TCF12: variants seen among roughly 807,000 people sequenced by gnomAD.
TCF12 encodes transcription factor 12.
Under a neutral mutation model 86.0 loss-of-function variants are expected in TCF12, and 45 were observed. That is an observed-to-expected ratio of 0.52 (90% confidence interval 0.41 to 0.67). TCF12 has a LOEUF of 0.67. TCF12 is among the 30% of genes least tolerant of loss of function. The pLI is 0.00. For synonymous variants in TCF12, 330 were observed against 299.6 expected, an observed-to-expected ratio of 1.10 and a Z score of -1.05; for missense variants, 881 against 859.9, an observed-to-expected ratio of 1.02 and a Z score of -0.31.
Position 57,282,460 on chromosome 15 carries a change from C to A in TCF12, c.1994C>A (p.Pro665His). 1 of 1,614,148 alleles carries A rather than the reference C, an allele frequency of 6.2e-7. No homozygotes were observed. The highest frequency in any genetic ancestry group is 8.5e-7 in the Non-Finnish European group (1 of 1,180,032). ...CCTGTTTTAGAGAGGAACCTTAACC[C>A]CAAAGCAGCCTGCCTTAAGAGAAGG... ...EQQVRERNLN[P>H]KAACLKRREE... is the part of the protein sequence containing the mutation. Residue 665 changes from proline (P) to histidine (H), a missense_variant, in exon 20 of 21, where the codon CCC becomes CAC. By Grantham distance (77) the Pro-to-His change is moderately conservative (BLOSUM62 -2). This residue lies in a region of TCF12 where 69 missense variants were observed against 64.2 expected (regional missense o/e 1.07). Coordinates refer to ENST00000333725, the MANE Select transcript of TCF12 (RefSeq NM_207037.2).
intron 5 of TCF12, chr15:57,109,395 G>A (rs1378633395): frequency 2.6e-5 from 4 of 152,310 alleles, no homozygotes; most frequent in Non-Finnish European, 2.9e-5. Flanking sequence ...TTCCCATAAG[G>A]CAGTTAGAAG....
At chr15:57,275,293 T>G (rs1056932395) in intron 19 of TCF12, among the ~76,000 whole-genome samples, 25 of 63,046 alleles carry the variant, frequency 4.0e-4, no homozygotes, top group Admixed American at 2.1e-3. Flanking sequence ...TCTTAGGACT[T>G]TACATAAAAG....
At chr15:57,077,940 C>T (rs2070276053) in intron 4 of TCF12, among the ~76,000 whole-genome samples, 1 of 151,898 alleles carries the variant, frequency 6.6e-6, no homozygotes, top group South Asian at 2.1e-4. Context: ...CATTTATTGT[C>T]TCGTCTATGA....
Position 57,273,133 on chromosome 15 carries a change from A to G in TCF12, c.1849A>G (p.Ile617Val). Residue 617 changes from isoleucine (I) to valine (V), a missense_variant, in exon 19 of 21, where the codon ATT becomes GTT. Coordinates refer to ENST00000333725, the MANE Select transcript of TCF12 (RefSeq NM_207037.2). ...CAGAGAACGCTTACGCGTGCGGGAT[A>G]TTAATGAAGCATTCAAAGAGCTTGG... is the stretch of plus-strand genomic sequence containing the variant. Reference protein sequence around the residue: ...NARERLRVRDINEAFKELGRM... With the variant: ...NARERLRVRDVNEAFKELGRM... 1.9e-6 allele frequency: 3 copies of G among 1,614,232 alleles called. No individual in the cohort carries two copies. The highest frequency in any genetic ancestry group is 2.5e-6 in the Non-Finnish European group (3 of 1,180,034).
intron 5 of TCF12, among the ~76,000 whole-genome samples, chr15:57,107,591 A>G (rs183318228): frequency 1.8e-4 from 27 of 152,262 alleles, no homozygotes; most frequent in East Asian, 1.9e-4. Context: ...TGATGTGTCA[A>G]TATAGGTTCA....
chr15:56,978,283 T>G (rs1349426369), intron 3 of TCF12, among the ~76,000 whole-genome samples: 3 of 152,142 alleles, frequency 2.0e-5, no homozygotes, highest in Non-Finnish European at 4.4e-5. Flanking sequence ...AAAGAATACA[T>G]AATATAAAGA....
At chr15:56,995,623 T>C (rs1428182033) in intron 3 of TCF12, among the ~76,000 whole-genome samples, 1 of 152,142 alleles carries the variant, frequency 6.6e-6, no homozygotes, top group Non-Finnish European at 1.5e-5. Context: ...ATGTCACTGC[T>C]GACTTTTGTA....
chr15:56,944,587 T>C (rs753529343), intron 3 of TCF12, among the ~76,000 whole-genome samples: 1 of 152,112 alleles, frequency 6.6e-6, no homozygotes. Flanking sequence ...TCTTTAAGAG[T>C]TCTACTTGCC....
chr15:56,923,400 A>C (rs1424529051), intron 3 of TCF12, among the ~76,000 whole-genome samples: 1 of 152,088 alleles, frequency 6.6e-6, no homozygotes, highest in African/African-American at 2.4e-5. Flanking sequence ...GTTTACTACT[A>C]CTAATTTGTC....
Position 57,252,433 on chromosome 15 carries a change from G to C in TCF12, c.1201G>C (p.Glu401Gln), listed in dbSNP as rs2060161442. 1.2e-6 allele frequency: 2 copies of C among 1,613,874 alleles called. No homozygotes were observed. Among genetic ancestry groups the C allele is most frequent in the East Asian group, 2.2e-5 (1 of 44,840 alleles). Reference protein sequence around the residue: ...NSLHSLKNRVEQQLHEHLQDA... With the variant: ...NSLHSLKNRVQQQLHEHLQDA... ...TTGACTTTGCCAGAAAAATCGAGTT[G>C]AGCAGCAACTTCACGAGCATTTGCA... The change falls in exon 15 of 21, where the codon GAG (glutamate) becomes CAG (glutamine). Residue 401 changes from glutamate to glutamine, a missense_variant. This residue lies in a region of TCF12 where 766 missense variants were observed against 718.9 expected (regional missense o/e 1.07). Coordinates refer to ENST00000333725, the MANE Select transcript of TCF12 (RefSeq NM_207037.2).
chr15:57,052,747 T>G (rs146115185), intron 3 of TCF12, among the ~76,000 whole-genome samples: 234 of 152,316 alleles, frequency 1.5e-3, no homozygotes, highest in East Asian at 3.1e-3. Context: ...TTAGTGAGCT[T>G]CTTCTGTGTA....
chr15:57,102,193 CAGTT>C (rs1297999908), intron 5 of TCF12, among the ~76,000 whole-genome samples: 2 of 152,080 alleles, frequency 1.3e-5, no homozygotes, highest in African/African-American at 4.8e-5. Context: ...ATAAAAATAA[CAGTT>C]GGTGGCCTGG....
chr15:57,165,285 G>A (rs1392873132), intron 5 of TCF12, among the ~76,000 whole-genome samples: 1 of 152,078 alleles, frequency 6.6e-6, no homozygotes, highest in Non-Finnish European at 1.5e-5. Context: ...ATATTGTATA[G>A]CAGTAAAGAT....
chr15:56,996,267 A>G (rs753963164), intron 3 of TCF12, among the ~76,000 whole-genome samples: 1 of 152,006 alleles, frequency 6.6e-6, no homozygotes, highest in Non-Finnish European at 1.5e-5. Flanking sequence ...TGTGTCTGCC[A>G]GCTTTTGGTA....
chr15:57,263,065 A>G (rs1488559273), intron 17 of TCF12, 47 bp from the exon 18 acceptor site: 1 of 1,563,894 alleles, frequency 6.4e-7, no homozygotes, highest in African/African-American at 1.4e-5. Context: ...TGTAATTCAT[A>G]TATGAGTCTC....
At chr15:57,023,458 A>G (rs1359354714) in intron 3 of TCF12, among the ~76,000 whole-genome samples, 2 of 152,172 alleles carry the variant, frequency 1.3e-5, no homozygotes, top group African/African-American at 4.8e-5. Flanking sequence ...CTTACTGATC[A>G]TTGTATCTGG....
chr15:57,232,661 T>C, intron 10 of TCF12, 51 bp from the exon 11 acceptor site: 1 of 1,564,308 alleles, frequency 6.4e-7, no homozygotes, highest in East Asian at 2.4e-5. Context: ...CCATTTTATG[T>C]GAATATTATT....
At chr15:56,980,121 G>A (rs558201661) in intron 3 of TCF12, among the ~76,000 whole-genome samples, 18 of 152,236 alleles carry the variant, frequency 1.2e-4, no homozygotes, top group Admixed American at 3.3e-4. Flanking sequence ...CATTTTGGGA[G>A]GCCTAGATGA....
chr15:57,018,726 C>CCACT (rs1192271986), intron 3 of TCF12, among the ~76,000 whole-genome samples: 1 of 152,112 alleles, frequency 6.6e-6, no homozygotes, highest in East Asian at 1.9e-4. Context: ...CAGGCATGAG[C>CCACT]CACTGTGCCC....
Sources: gnomAD v4.1 joint callset for allele counts (sites outside exome capture counted in the v4.1 genomes callset) on GRCh38, gnomAD v4.1.1 for gene constraint, gnomAD v4.1.1 regional missense constraint, MANE v1.5 for transcripts, NCBI Gene and HGNC (gene_info 2026-07-23, HGNC 2026-07-21) for gene names.